The following AP3B1 variants were observed in gnomAD, a reference collection of about 807,000 sequenced individuals.
AP3B1 encodes the protein adaptor related protein complex 3 subunit beta 1.
Under a neutral mutation model 132.5 loss-of-function variants are expected in AP3B1, and 61 were observed. The observed-to-expected ratio is 0.46, with a 90% CI of 0.37 to 0.57. The LOEUF (loss-of-function observed/expected upper bound fraction) is 0.57, where lower values mean the gene tolerates loss of function less well. AP3B1 is among the 20% of genes least tolerant of loss of function. The pLI is 0.00. For synonymous variants in AP3B1, 388 were observed against 438.3 expected (o/e 0.89, Z 1.43); for missense variants, 1,120 against 1,289.4 (o/e 0.87, Z 2.01).
At chr5:78,078,248 C>G (rs1449616272) in intron 22 of AP3B1, among the ~76,000 whole-genome samples, 3 of 152,180 alleles carry the variant, frequency 2.0e-5, no homozygotes, top group Non-Finnish European at 4.4e-5. Context: ...TCTTGGTTAA[C>G]TGGGTACCAC....
At chr5:78,288,403 G>A (rs1749371272) in intron 1 of AP3B1, among the ~76,000 whole-genome samples, 1 of 152,186 alleles carries the variant, frequency 6.6e-6, no homozygotes, top group Non-Finnish European at 1.5e-5. Context: ...AAGACTGGGA[G>A]GTAAAGATGC....
chr5:78,147,006 T>G (rs563762702), intron 14 of AP3B1, among the ~76,000 whole-genome samples: 1 of 152,122 alleles, frequency 6.6e-6, no homozygotes, highest in South Asian at 2.1e-4. Flanking sequence ...TCAAGAGATA[T>G]AAGGTTTTAG....
chr5:78,010,355 G>A (rs927468323), intron 26 of AP3B1, among the ~76,000 whole-genome samples: 2 of 152,172 alleles, frequency 1.3e-5, no homozygotes, highest in Non-Finnish European at 2.9e-5. Flanking sequence ...TTGGAGTGCT[G>A]CCTAAAATAG....
intron 22 of AP3B1, among the ~76,000 whole-genome samples, chr5:78,039,546 C>A (rs1747963020): frequency 6.6e-6 from 1 of 151,986 alleles, no homozygotes; most frequent in Non-Finnish European, 1.5e-5. Context: ...GAGGCCGAGA[C>A]GGGGAGATCA....
At chr5:78,145,720 A>G (rs1753361810) in intron 14 of AP3B1, among the ~76,000 whole-genome samples, 1 of 152,148 alleles carries the variant, frequency 6.6e-6, no homozygotes, top group African/African-American at 2.4e-5. Flanking sequence ...CATTTCCCCA[A>G]GAGCCAGATT....
At chr5:78,236,704 T>C (rs1461153402) in intron 3 of AP3B1, among the ~76,000 whole-genome samples, 2 of 152,234 alleles carry the variant, frequency 1.3e-5, no homozygotes, top group Non-Finnish European at 2.9e-5. Flanking sequence ...GTTTTTTTAA[T>C]GTTAGCAATT....
intron 1 of AP3B1, among the ~76,000 whole-genome samples, chr5:78,279,263 T>C (rs1748936360): frequency 2.0e-5 from 3 of 152,186 alleles, no homozygotes; most frequent in Admixed American, 6.5e-5. Context: ...ACCGCTAACA[T>C]GTCGTGTTTA....
intron 17 of AP3B1, among the ~76,000 whole-genome samples, chr5:78,123,501 G>GA (rs1172335789): frequency 6.6e-6 from 1 of 151,702 alleles, no homozygotes; most frequent in African/African-American, 2.4e-5. Context: ...AAATTTACAA[G>GA]AAAAAAACAA....
chr5:78,083,182 T>C (rs779134070), intron 22 of AP3B1, among the ~76,000 whole-genome samples: 54 of 152,166 alleles, frequency 3.5e-4, no homozygotes, highest in Non-Finnish European at 6.5e-4. Flanking sequence ...TAATCTTAAA[T>C]AGTGAGTAAA....
intron 22 of AP3B1, among the ~76,000 whole-genome samples, chr5:78,067,132 A>C (rs972449300): frequency 6.6e-6 from 1 of 152,222 alleles, no homozygotes; most frequent in East Asian, 1.9e-4. Flanking sequence ...ACTTTCTGAC[A>C]AAACAGATTT....
At chr5:78,091,799 G>C (rs769390182) in intron 21 of AP3B1, among the ~76,000 whole-genome samples, 31 of 152,206 alleles carry the variant, frequency 2.0e-4, no homozygotes, top group Non-Finnish European at 3.1e-4. Context: ...CTGCAGGATG[G>C]TTAATCAGAT....
At chr5:78,096,744 C>T (rs1362625083) in intron 21 of AP3B1, among the ~76,000 whole-genome samples, 3 of 151,662 alleles carry the variant, frequency 2.0e-5, no homozygotes, top group East Asian at 2.0e-4. Flanking sequence ...GCAACTGCCC[C>T]GTCTGAGAAG....
intron 8 of AP3B1, among the ~76,000 whole-genome samples, chr5:78,181,014 G>A (rs1204137916): frequency 2.0e-5 from 3 of 151,924 alleles, no homozygotes; most frequent in Non-Finnish European, 2.9e-5. Context: ...TATAATATGT[G>A]AGGCATTACC....
chr5:78,091,507 C>G lies in AP3B1; in HGVS notation c.2471-2008G>C, dbSNP rs888608958. Among the ~76,000 whole-genome samples the G allele has an allele frequency of 5.9e-5, 9 of 152,196 alleles. No homozygotes were observed. In the South Asian group the frequency reaches 1.9e-3, roughly 32 times the overall value. ...TAGACCCACACTGAAAACCCCGGTA[C>G]AGTTTAGCAAGTGTCACAGAGTCAG... On this transcript the variant is annotated intron_variant, in intron 21 of 26. Transcript: ENST00000255194.
chr5:78,043,642 G>T (rs1335905019), intron 22 of AP3B1: 8 of 482,534 alleles, frequency 1.7e-5, no homozygotes, highest in South Asian at 1.0e-4. Flanking sequence ...GCTCTCCATG[G>T]TCAGCACATA....
In AP3B1 at chr5:78,081,300, A is replaced by ATTTTT. The variant is rs560113962; in HGVS notation, c.2577+8088_2577+8092dup. ...AGCCTATTTTTCACAGCATTACTTCATTTTTTTTTTTTTTTTTTTTTTTTT... is the reference window on the plus strand; with the variant it reads ...AGCCTATTTTTCACAGCATTACTTCATTTTTTTTTTTTTTTTTTTTTTTTTTTTTT... On this transcript the variant is annotated intron_variant, in intron 22 of 26. Transcript: ENST00000255194. Among the ~76,000 whole-genome samples, 84 of 100,852 alleles carry ATTTTT rather than the reference A, an allele frequency of 8.3e-4. 1 individual carries two copies. Among genetic ancestry groups the ATTTTT allele is most frequent in the Non-Finnish European group, 1.2e-3 (62 of 51,458 alleles). 66.2% of individuals were successfully genotyped at this position (100,852 alleles called of 152,430 possible).
chr5:78,214,401 A>G (rs1164095691), intron 7 of AP3B1, among the ~76,000 whole-genome samples: 2 of 152,186 alleles, frequency 1.3e-5, no homozygotes, highest in Admixed American at 6.5e-5. Flanking sequence ...ACAGACAAAT[A>G]TACAAAAGCA....
Position 78,156,320 on chromosome 5 carries a change from T to G in AP3B1, c.1411A>C (p.Met471Leu), listed in dbSNP as rs556638927. ...SVVVIKKLLQ[M>L]QPAQHGEIIK... ...ATTTCACCATGTTGTGCAGGTTGCA[T>G]TTGCAGTAATTTCTTTATAACAACC... Residue 471 changes from methionine to leucine, a missense_variant, in exon 14 of 27, where the codon ATG (methionine) becomes CTG (leucine). This residue lies in a region of AP3B1 where 906 missense variants were observed against 997.1 expected (regional missense o/e 0.91). Coordinates refer to ENST00000255194, the MANE Select transcript of AP3B1 (RefSeq NM_003664.5). 236 of 1,613,782 alleles carry G rather than the reference T, an allele frequency of 1.5e-4. 2 individuals are homozygous for G. The South Asian group carries it at 2.4e-3, about 17-fold the overall frequency.
chr5:78,294,537 C>T lies in AP3B1; in HGVS notation c.43G>A (p.Gly15Arg), dbSNP rs1245350714. The T allele has an allele frequency of 6.2e-7, 1 of 1,614,266 alleles. No homozygotes were observed. The highest frequency in any genetic ancestry group is 2.2e-5 in the East Asian group (1 of 44,892). The part of the protein sequence containing the change: ...SFPYNEQSGG[G>R]EATELGQEAT... ...TCCTGACCCAGCTCCGTCGCCTCCC[C>T]TCCTCCGGACTGCTCATTGTAAGGA... The change falls in exon 1 of 27, where the codon GGG becomes AGG. Residue 15 changes from glycine to arginine, a missense_variant. Around this residue, in one of 3 missense-constraint regions of AP3B1, gnomAD observed 85 missense variants for 79.9 expected, o/e 1.06. Coordinates refer to ENST00000255194, the MANE Select transcript of AP3B1 (RefSeq NM_003664.5).
Sources: gnomAD v4.1 joint callset for allele counts (sites outside exome capture counted in the v4.1 genomes callset) on GRCh38, gnomAD v4.1.1 for gene constraint, gnomAD v4.1.1 regional missense constraint, MANE v1.5 for transcripts, NCBI Gene and HGNC (gene_info 2026-07-23, HGNC 2026-07-21) for gene names.